The following PLEC variants were observed in gnomAD, a reference collection of about 807,000 sequenced individuals.
PLEC encodes hemidesmosomal protein 1.
In PLEC, 216 loss-of-function variants were observed where a neutral mutation model predicts 392.8. The observed-to-expected ratio is 0.55, with a 90% CI of 0.49 to 0.62. The LOEUF (loss-of-function observed/expected upper bound fraction) is 0.62. Among genes scored for constraint, PLEC ranks in the 20% least tolerant of loss-of-function variants. The pLI is 0.00. For missense variants in PLEC, 6,863 were observed against 6,563.4 expected, an observed-to-expected ratio of 1.05 and a Z score of -1.58; for synonymous variants, 3,621 against 2,980.6, an observed-to-expected ratio of 1.21 and a Z score of -7.00.
rs1181070187 is a variant in PLEC at position 143,923,641 on chromosome 8, GGCCTCCTCC to G, written c.6279_6287del (p.Glu2094_Ala2096del). The G allele has an allele frequency of 6.3e-7, 1 of 1,579,380 alleles. No homozygotes were observed. Among genetic ancestry groups the G allele is most frequent in the Non-Finnish European group, 8.5e-7 (1 of 1,170,508 alleles). On this transcript the variant is annotated inframe_deletion, in exon 31 of 32. Coordinates refer to ENST00000345136, the MANE Select transcript of PLEC (RefSeq NM_201384.3). ...CCGCCTCACGCTCCGCCTGCACCCG[GGCCTCCTCC>G]GCCTCCTCAGCCGCCCGCCGGGCCG...
Position 143,917,856 on chromosome 8 carries a change from C to T in PLEC, c.11965G>A (p.Glu3989Lys), listed in dbSNP as rs1206258798. 4.3e-6 allele frequency: 7 copies of T among 1,613,342 alleles called. No individual in the cohort carries two copies. Among genetic ancestry groups the T allele is most frequent in the Non-Finnish European group, 5.9e-6 (7 of 1,180,018 alleles). ...PIKGLKLTVE[E>K]AVRMGIVGPE... ...CCCACAATGCCCATACGCACAGCCT[C>T]CTCCACCGTCAGCTTCAGTCCCTTG... Residue 3989 changes from glutamate to lysine, a missense_variant, in exon 32 of 32, where the codon GAG (glutamate) becomes AAG (lysine). By Grantham distance (56) the Glu-to-Lys change is moderately conservative. Coordinates refer to ENST00000345136, the MANE Select transcript of PLEC (RefSeq NM_201384.3).
chr8:143,935,344 TG>T, intron 6 of PLEC, 31 bp from the exon 7 acceptor site: 1 of 1,513,564 alleles, frequency 6.6e-7, no homozygotes. Flanking sequence ...GTCAGGTGGG[TG>T]GGACAAGACC....
chr8:143,917,097 C>T lies in PLEC; in HGVS notation c.12724G>A (p.Gly4242Ser), dbSNP rs1554671004. The change falls in exon 32 of 32, where the codon GGT becomes AGT. Residue 4242 changes from glycine (G) to serine (S), a missense_variant. Coordinates refer to ENST00000345136, the MANE Select transcript of PLEC (RefSeq NM_201384.3). ...ACCGAGGAGGAACGGGAGCGGAAAC[C>T]ACCGGCGTTGCCCGAGAGCATGTCG... ...FADMLSGNAG[G>S]FRSRSSSVGS... 6.2e-7 allele frequency: 1 copy of T among 1,605,964 alleles called. No homozygotes were observed. Among genetic ancestry groups the T allele is most frequent in the Non-Finnish European group, 8.5e-7 (1 of 1,173,962 alleles).
chr8:143,925,246 C>T lies in PLEC; in HGVS notation c.4683G>A (p.Arg1561=), dbSNP rs782728438. 5 of 1,589,380 alleles carry T rather than the reference C, an allele frequency of 3.1e-6. No individual in the cohort carries two copies. Among genetic ancestry groups the T allele is most frequent in the Non-Finnish European group, 4.3e-6 (5 of 1,175,820 alleles). The part of the protein sequence containing the change: ...RLRQAEVERA[R]QVQVALETAQ... ...CCGTCTCCAGGGCCACCTGTACCTG[C>T]CGCGCTCGCTCCACCTCGGCCTGCC... Residue 1561 remains arginine, a synonymous_variant, in exon 31 of 32, where the codon CGG becomes CGA. Transcript: ENST00000345136.
Position 143,917,212 on chromosome 8 carries a change from G to A in PLEC, c.12609C>T (p.Tyr4203=), listed in dbSNP as rs782526243. 3.9e-5 allele frequency: 63 copies of A among 1,612,856 alleles called. No homozygotes were observed. The Middle Eastern group carries it at 2.3e-3, about 59-fold the overall frequency. Residue 4203 remains tyrosine, a synonymous_variant, in exon 32 of 32, where the codon TAC becomes TAT. Coordinates refer to ENST00000345136, the MANE Select transcript of PLEC (RefSeq NM_201384.3). ...TCTTGGCGATGGCATCATCGATGTC[G>A]TACTGGCGCCCGGAGCGGCGGTCGA... ...MIIDRRSGRQ[Y]DIDDAIAKNL...
intron 1 of PLEC, among the ~76,000 whole-genome samples, chr8:143,959,258 A>G (rs1031958191): frequency 6.6e-6 from 1 of 152,228 alleles, no homozygotes; most frequent in African/African-American, 2.4e-5. Context: ...GAGCTCAGAG[A>G]AAGTTCATTG....
At chr8:143,973,875 C>T (rs1042884286), upstream of PLEC, among the ~76,000 whole-genome samples, 4 of 152,076 alleles carry the variant, frequency 2.6e-5, no homozygotes, top group Admixed American at 6.5e-5. This position sits in a 1 kb window ranked among gnomAD's most constrained non-coding sequence, Gnocchi z 5.6. Flanking sequence ...TTCCTGCGTG[C>T]AGCTGAGAAC....
Position 143,933,044 on chromosome 8 carries a change from C to G in PLEC, c.1486G>C (p.Val496Leu). Residue 496 changes from valine to leucine, a missense_variant, in exon 14 of 32, where the codon GTG (valine) becomes CTG (leucine). By Grantham distance (32) the Val-to-Leu change is conservative. Transcript: ENST00000345136. ...TEYNLRLKAG[V>L]AAPATQVAQV... ...GCCACCTGGGTTGCAGGGGCCGCCA[C>G]GCCTGCCTTCAGCCGTAGGTTGTAC... 1 of 1,594,500 alleles carries G rather than the reference C, an allele frequency of 6.3e-7. No homozygotes were observed. The highest frequency in any genetic ancestry group is 1.1e-5 in the South Asian group (1 of 88,926).
Position 143,919,749 on chromosome 8 carries a change from C to G in PLEC, c.10072G>C (p.Ala3358Pro). 2 of 1,609,114 alleles carry G rather than the reference C, an allele frequency of 1.2e-6. No homozygotes were observed. Among genetic ancestry groups the G allele is most frequent in the Non-Finnish European group, 8.5e-7 (1 of 1,177,506 alleles). Residue 3358 changes from alanine (A) to proline (P), a missense_variant, in exon 32 of 32, where the codon GCC (alanine) becomes CCC (proline). Transcript: ENST00000345136. ...TTGGTGTCCTCCAGGTAGATGCCGG[C>G]GAGGCAGCCACTGCCCTGCAGCAGC... ...RTLLQGSGCL[A>P]GIYLEDTKEK...
At chr8:143,930,657 T>G in intron 19 of PLEC, 121 bp from the exon 20 acceptor site, 1 of 1,056,372 alleles carries the variant, frequency 9.5e-7, no homozygotes, top group Non-Finnish European at 1.4e-6. Context: ...GTGGCAGCAC[T>G]TGGAAGCAGG....
chr8:143,963,959 T>C (rs1022913974), intron 1 of PLEC, among the ~76,000 whole-genome samples: 1 of 151,966 alleles, frequency 6.6e-6, no homozygotes, highest in Non-Finnish European at 1.5e-5. Context: ...ATTATTGGTG[T>C]GTACTACCAT....
Position 143,919,094 on chromosome 8 carries a change from C to G in PLEC, c.10727G>C (p.Gly3576Ala). The G allele has an allele frequency of 6.2e-7, 1 of 1,612,096 alleles. No homozygotes were observed. Among genetic ancestry groups the G allele is most frequent in the Non-Finnish European group, 8.5e-7 (1 of 1,180,008 alleles). The change falls in exon 32 of 32, where the codon GGC becomes GCC. Residue 3576 changes from glycine to alanine, a missense_variant. Coordinates refer to ENST00000345136, the MANE Select transcript of PLEC (RefSeq NM_201384.3). ...GGTGGAGCCGCCGTGGCTGCCGCCGCCGGGAATGTCGATCTGTGTCTCTTC... is the reference window on the plus strand; with the variant it reads ...GGTGGAGCCGCCGTGGCTGCCGCCGGCGGGAATGTCGATCTGTGTCTCTTC... The part of the protein sequence containing the change: ...AFEETQIDIP[G>A]GGSHGGSTMS...
Position 143,939,504 on chromosome 8 carries a change from A to T in PLEC, c.-43T>A. 1.3e-6 allele frequency: 2 copies of T among 1,582,374 alleles called. No individual in the cohort carries two copies. Among genetic ancestry groups the T allele is most frequent in the Non-Finnish European group, 1.7e-6 (2 of 1,165,316 alleles). ...GTCGCCCGGACCCTCGGCCTCAGGC[A>T]CGGTGCTCTGGGCAGCCCCGTGTGG... On this transcript the variant is annotated 5_prime_UTR_variant, in exon 1 of 32. Coordinates refer to ENST00000345136, the MANE Select transcript of PLEC (RefSeq NM_201384.3).
At chr8:143,975,407 G>C, upstream of PLEC, 12 of 1,580,288 alleles carry the variant, frequency 7.6e-6, no homozygotes, top group Non-Finnish European at 1.0e-5. This position sits in a 1 kb window ranked among gnomAD's most constrained non-coding sequence, Gnocchi z 9.9. Context: ...TCACATCTCT[G>C]CCTGTTCAGG....
upstream of PLEC, among the ~76,000 whole-genome samples, chr8:143,954,489 C>G (rs1032544537): frequency 6.6e-6 from 1 of 152,236 alleles, no homozygotes; most frequent in Non-Finnish European, 1.5e-5. The surrounding 1 kb of genome is among the most constrained non-coding windows in gnomAD (Gnocchi z 4.6). Context: ...CTGCGCCCCC[C>G]AGTCTGCCCA....
In PLEC at chr8:143,922,284, T is replaced by C. The variant is rs782813095; in HGVS notation, c.7537A>G (p.Lys2513Glu). The C allele has an allele frequency of 6.2e-5, 100 of 1,606,338 alleles. No homozygotes were observed. The highest frequency in any genetic ancestry group is 8.3e-5 in the Non-Finnish European group (98 of 1,179,230). Residue 2513 changes from lysine (K) to glutamate (E), a missense_variant, in exon 32 of 32, where the codon AAG (lysine) becomes GAG (glutamate). Lys to Glu is a moderately conservative substitution (Grantham distance 56). Coordinates refer to ENST00000345136, the MANE Select transcript of PLEC (RefSeq NM_201384.3). ...LQRERFIEQEKAKLEQLFQDE... is the reference protein window; with the variant it reads ...LQRERFIEQEEAKLEQLFQDE... ...TGGAAGAGCTGCTCCAGCTTGGCCT[T>C]CTCCTGCTCGATGAAGCGCTCCCGC...
chr8:143,924,453 G>C lies in PLEC; in HGVS notation c.5476C>G (p.Arg1826Gly). Residue 1826 changes from arginine (R) to glycine (G), a missense_variant, in exon 31 of 32, where the codon CGG becomes GGG. By Grantham distance (125) the Arg-to-Gly change is moderately radical (BLOSUM62 -2). Transcript: ENST00000345136. ...QRQLAEEDAARQRAEAERVLA... is the reference protein window; with the variant it reads ...QRQLAEEDAAGQRAEAERVLA... ...ACCCGCTCCGCCTCGGCCCGCTGCC[G>C]CGCCGCGTCTTCCTCGGCCAGCTGC... 1 of 1,554,656 alleles carries C rather than the reference G, an allele frequency of 6.4e-7. No homozygotes were observed.
chr8:143,930,176 C>CG lies in PLEC; in HGVS notation c.2579dup (p.Pro861AlafsTer95). 1 of 1,580,928 alleles carries CG rather than the reference C, an allele frequency of 6.3e-7. No individual in the cohort carries two copies. Among genetic ancestry groups the CG allele is most frequent in the Non-Finnish European group, 8.6e-7 (1 of 1,169,546 alleles). The stretch of plus-strand genomic sequence containing the variant: ...CGGCCTCCTGGGCCTCCTGGTTGGG[C>CG]GGGGGCACCAGGAAGCACACGGAGG... On this transcript the variant is annotated frameshift_variant, in exon 21 of 32. Coordinates refer to ENST00000345136, the MANE Select transcript of PLEC (RefSeq NM_201384.3). LOFTEE classifies it high-confidence loss of function.
In PLEC at chr8:143,923,384, G is replaced by A. The variant is rs375380578; in HGVS notation, c.6545C>T (p.Ala2182Val). 3.0e-5 allele frequency: 48 copies of A among 1,610,270 alleles called. 2 individuals carry two copies. The Middle Eastern group carries it at 3.6e-3, about 122-fold the overall frequency. ...TGTTGTCAGCTCCTGCTCCACCTGC[G>A]CCTTCTGCCGCAGCGTCTGCTCGGC... ...KFAEQTLRQK[A>V]QVEQELTTLR... Residue 2182 changes from alanine to valine, a missense_variant, in exon 31 of 32, where the codon GCG becomes GTG. Coordinates refer to ENST00000345136, the MANE Select transcript of PLEC (RefSeq NM_201384.3).
Sources: allele counts gnomAD v4.1 joint callset (sites outside exome capture counted in the v4.1 genomes callset), GRCh38; gene constraint gnomAD v4.1.1; non-coding constraint Gnocchi (gnomAD v3.1); transcripts MANE v1.5; gene names NCBI Gene and HGNC (gene_info 2026-07-23, HGNC 2026-07-21).